Variants in PARD3 observed in about 807,000 individuals in gnomAD.
The protein encoded by PARD3 is partitioning defective 3 homolog.
Under a neutral mutation model 155.4 loss-of-function variants are expected in PARD3, and 75 were observed. The observed-to-expected ratio is 0.48, with a 90% CI of 0.40 to 0.58. The LOEUF (loss-of-function observed/expected upper bound fraction) is 0.58, where lower values mean the gene tolerates loss of function less well. Among genes scored for constraint, PARD3 ranks in the 20% least tolerant of loss-of-function variants. The probability of loss-of-function intolerance (pLI) is 0.00; values close to 1 mark genes in which losing one functional copy is unlikely to be tolerated. For missense variants in PARD3, 1,642 were observed against 1,721.7 expected (o/e 0.95, Z 0.82); for synonymous variants, 576 against 610.5 (o/e 0.94, Z 0.83).
At chr10:34,790,414 A>AC in intron 1 of PARD3, among the ~76,000 whole-genome samples, 1 of 152,346 alleles carries the variant, frequency 6.6e-6, no homozygotes, top group Admixed American at 6.5e-5. Flanking sequence ...CAGCAGAGTA[A>AC]CTGAAAGTGA....
chr10:34,131,660 C>A, intron 22 of PARD3, 77 bp from the exon 23 acceptor site: 1 of 1,299,258 alleles, frequency 7.7e-7, no homozygotes, highest in Non-Finnish European at 1.1e-6. Flanking sequence ...CAAAACATGG[C>A]AACTTGCTGT....
intron 2 of PARD3, among the ~76,000 whole-genome samples, chr10:34,526,671 T>C (rs939764038): frequency 1.3e-5 from 2 of 152,166 alleles, no homozygotes; most frequent in Admixed American, 6.5e-5. Context: ...AGCCCTTGTC[T>C]CCATACCCAC....
At chr10:34,240,676 G>T (rs1361812282) in intron 22 of PARD3, among the ~76,000 whole-genome samples, 1 of 151,910 alleles carries the variant, frequency 6.6e-6, no homozygotes, top group Non-Finnish European at 1.5e-5. Context: ...ATAAAGAGAG[G>T]GCTTGTTTTG....
intron 3 of PARD3, among the ~76,000 whole-genome samples, chr10:34,485,918 G>GTTTTT (rs66906403): frequency 1.6e-4 from 15 of 95,792 alleles, no homozygotes; most frequent in African/African-American, 6.1e-4. Context: ...AACGTTTTGG[G>GTTTTT]TTTTTTTTTT....
At chr10:34,442,112 T>TC (rs1199566078) in intron 5 of PARD3, among the ~76,000 whole-genome samples, 1 of 152,214 alleles carries the variant, frequency 6.6e-6, no homozygotes, top group East Asian at 1.9e-4. Flanking sequence ...TAATAATAAA[T>TC]CCCTTCCTTT....
intron 1 of PARD3, among the ~76,000 whole-genome samples, chr10:34,791,418 G>A (rs1344235565): frequency 6.6e-6 from 1 of 152,174 alleles, no homozygotes; most frequent in African/African-American, 2.4e-5. Context: ...GACCAGGCCG[G>A]GGCCTCCTCC....
chr10:34,391,807 A>C (rs973962196), intron 7 of PARD3, among the ~76,000 whole-genome samples: 1 of 152,262 alleles, frequency 6.6e-6, no homozygotes, highest in African/African-American at 2.4e-5. Context: ...TATGAAATAC[A>C]TATTTTCCAA....
chr10:34,511,430 A>T (rs1441077741), intron 3 of PARD3, among the ~76,000 whole-genome samples: 1 of 152,124 alleles, frequency 6.6e-6, no homozygotes, highest in Non-Finnish European at 1.5e-5. Context: ...GTACTCTCTC[A>T]CAGTCCCGGA....
At chr10:34,572,942 T>C (rs1414341112) in intron 2 of PARD3, among the ~76,000 whole-genome samples, 1 of 152,242 alleles carries the variant, frequency 6.6e-6, no homozygotes, top group African/African-American at 2.4e-5. Context: ...TCTTATTTTC[T>C]ATTTGTATCC....
intron 5 of PARD3, among the ~76,000 whole-genome samples, chr10:34,449,151 T>C (rs1341920028): frequency 6.6e-6 from 1 of 151,856 alleles, no homozygotes; most frequent in Non-Finnish European, 1.5e-5. Context: ...TCTCCTGACC[T>C]CGTGATCCAC....
chr10:34,656,506 G>A (rs115459109), intron 2 of PARD3, among the ~76,000 whole-genome samples: 3,108 of 152,202 alleles, frequency 0.02, 108 homozygotes, highest in African/African-American at 0.071. Context: ...AAAGATGTTC[G>A]GAAGAAGGCG....
intron 2 of PARD3, among the ~76,000 whole-genome samples, chr10:34,547,909 A>C (rs781513609): frequency 3.3e-5 from 5 of 152,220 alleles, no homozygotes; most frequent in Non-Finnish European, 5.9e-5. Flanking sequence ...ATTCCCCATG[A>C]TGTCATAAAT....
intron 1 of PARD3, among the ~76,000 whole-genome samples, chr10:34,701,336 T>A (rs11594939): frequency 0.048 from 3,514 of 72,472 alleles, 63 homozygotes; most frequent in Admixed American, 0.07. Context: ...CGCGGGGATG[T>A]TGTTGTTGTT....
intron 5 of PARD3, among the ~76,000 whole-genome samples, chr10:34,419,843 G>T (rs1846022287): frequency 6.6e-6 from 1 of 152,078 alleles, no homozygotes; most frequent in Admixed American, 6.6e-5. Flanking sequence ...TTTTTCACAA[G>T]AATTAAAACA....
intron 22 of PARD3, among the ~76,000 whole-genome samples, chr10:34,173,206 T>C (rs1949883949): frequency 6.6e-6 from 1 of 152,214 alleles, no homozygotes; most frequent in Non-Finnish European, 1.5e-5. Context: ...CCCCGAAGTC[T>C]TGCAACATGG....
chr10:34,752,847 G>A (rs1216343240), intron 1 of PARD3, among the ~76,000 whole-genome samples: 1 of 152,248 alleles, frequency 6.6e-6, no homozygotes, highest in East Asian at 1.9e-4. Flanking sequence ...GCAGAGACAG[G>A]GGCTGTGTGC....
chr10:34,696,171 A>C (rs534107565), intron 2 of PARD3, 147 bp downstream of exon 2: 391 of 544,804 alleles, frequency 7.2e-4, no homozygotes, highest in Non-Finnish European at 1.2e-3. Context: ...CATGATACTT[A>C]TTATAAAAGA....
At chr10:34,756,975 T>A (rs1386190933) in intron 1 of PARD3, among the ~76,000 whole-genome samples, 1 of 152,064 alleles carries the variant, frequency 6.6e-6, no homozygotes, top group African/African-American at 2.4e-5. Flanking sequence ...GGTACTGTCA[T>A]CCCCCTAAAA....
At chr10:34,764,262 G>A (rs1490495166) in intron 1 of PARD3, among the ~76,000 whole-genome samples, 1 of 152,180 alleles carries the variant, frequency 6.6e-6, no homozygotes, top group African/African-American at 2.4e-5. Context: ...TCTGAAGGAA[G>A]GCATTCTAAA....
Sources: gnomAD v4.1 joint callset for allele counts (sites outside exome capture counted in the v4.1 genomes callset) on GRCh38, gnomAD v4.1.1 for gene constraint, MANE v1.5 for transcripts, NCBI Gene and HGNC (gene_info 2026-07-23, HGNC 2026-07-21) for gene names.